The following OTOGL variants were observed in gnomAD, a reference collection of about 807,000 sequenced individuals.
OTOGL encodes otogelin like.
In OTOGL, 285 loss-of-function variants were observed where a neutral mutation model predicts 318.5. The ratio of observed to expected loss-of-function variants is 0.89; its 90% CI spans 0.81 to 0.99. The LOEUF (loss-of-function observed/expected upper bound fraction) is 0.99, where lower values mean the gene tolerates loss of function less well. Among genes scored for constraint, OTOGL ranks in the 50% least tolerant of loss-of-function variants. The pLI is 0.00. For missense variants in OTOGL, 2,899 were observed against 2,845.6 expected (o/e 1.02, Z -0.43); for synonymous variants, 987 against 936.5 (o/e 1.05, Z -0.99).
intron 1 of OTOGL, among the ~76,000 whole-genome samples, chr12:80,186,536 A>T (rs1875302483): frequency 6.6e-6 from 1 of 152,204 alleles, no homozygotes; most frequent in African/African-American, 2.4e-5. Context: ...ACTTGTTGAA[A>T]AACTTTGAGA....
chr12:80,239,459 G>C lies in OTOGL; in HGVS notation c.1052+20G>C, dbSNP rs1388327892. On this transcript the variant is annotated intron_variant, in intron 11 of 58. Coordinates refer to ENST00000547103, the MANE Select transcript of OTOGL (RefSeq NM_001378609.3). ...TTGCAAGTAAGTGAAATGACTTGTAGTTGTAATAAAATTTTCTTTATGCAA... is the reference window on the plus strand; with the variant it reads ...TTGCAAGTAAGTGAAATGACTTGTACTTGTAATAAAATTTTCTTTATGCAA... 1.3e-6 allele frequency: 2 copies of C among 1,491,106 alleles called. No individual in the cohort carries two copies. The highest frequency in any genetic ancestry group is 1.8e-6 in the Non-Finnish European group (2 of 1,101,606). The allele number at this position is 1,491,106 out of a possible 1,614,324, so 92.4% of individuals were successfully genotyped here.
In OTOGL at chr12:80,358,390, C is replaced by T. The variant is rs749584528; in HGVS notation, c.6121+41C>T. ...CTATTCTAAAATATTTAGATGTGTC[C>T]AATGTTTAAGAAGCCCAGTGCATCT... On this transcript the variant is annotated intron_variant, in intron 50 of 58. Transcript: ENST00000547103. 2.1e-5 allele frequency: 31 copies of T among 1,459,378 alleles called. No homozygotes were observed. The South Asian group carries it at 3.6e-4, about 17-fold the overall frequency. 90.4% of individuals were successfully genotyped at this position (1,459,378 alleles called of 1,614,324 possible). A position where few individuals can be genotyped will look rare whatever the true frequency, so the allele number is the denominator to read the frequency against.
rs373110567 is a variant in OTOGL, at chr12:80,256,333, G to A, written c.1588-4G>A. The A allele has an allele frequency of 8.8e-5, 140 of 1,591,212 alleles. No homozygotes were observed. Among genetic ancestry groups the A allele is most frequent in the Middle Eastern group, 8.3e-4 (5 of 6,024 alleles). On this transcript the variant is annotated splice_polypyrimidine_tract_variant and splice_region_variant and intron_variant, in intron 16 of 58. Coordinates refer to ENST00000547103, the MANE Select transcript of OTOGL (RefSeq NM_001378609.3). ...CTTGCATTGATAATTTGATTTTTACGCAGAATCTTGGCTTGGTCTGCCTTC... is the reference window on the plus strand; with the variant it reads ...CTTGCATTGATAATTTGATTTTTACACAGAATCTTGGCTTGGTCTGCCTTC...
In OTOGL at chr12:80,342,113, A is replaced by C. The variant is rs1313160453; in HGVS notation, c.5216A>C (p.Gln1739Pro). Reference sequence around the variant, plus strand: ...AATTGTACTGAGCATGATTGCAGCCAGTGCATTGATTTATTAAATAGAAGA... The same window carrying C: ...AATTGTACTGAGCATGATTGCAGCCCGTGCATTGATTTATTAAATAGAAGA... ...VRNCTEHDCS[Q>P]CIDLLNRRIF... Residue 1739 changes from glutamine (Q) to proline (P), a missense_variant, in exon 44 of 59, where the codon CAG (glutamine) becomes CCG (proline). Coordinates refer to ENST00000547103, the MANE Select transcript of OTOGL (RefSeq NM_001378609.3). 1 of 1,601,874 alleles carries C rather than the reference A, an allele frequency of 6.2e-7. No individual in the cohort carries two copies. Among genetic ancestry groups the C allele is most frequent in the Non-Finnish European group, 8.5e-7 (1 of 1,173,440 alleles).
At chr12:80,109,134 T>C (rs1869678623) in intron 1 of OTOGL, among the ~76,000 whole-genome samples, 1 of 151,692 alleles carries the variant, frequency 6.6e-6, no homozygotes, top group Non-Finnish European at 1.5e-5. Flanking sequence ...GCCCCAACTT[T>C]AGAATCATTA....
At chr12:80,227,330 A>G (rs1878952434) in intron 7 of OTOGL, among the ~76,000 whole-genome samples, 1 of 152,218 alleles carries the variant, frequency 6.6e-6, no homozygotes, top group Admixed American at 6.6e-5. Context: ...GATGGCATAT[A>G]TAATTTTTCT....
intron 1 of OTOGL, among the ~76,000 whole-genome samples, chr12:80,122,556 C>CAGAAG (rs1318008267): frequency 1.3e-5 from 2 of 152,082 alleles, no homozygotes; most frequent in African/African-American, 2.4e-5. Context: ...GATGTAAATT[C>CAGAAG]AGAAGATAAT....
chr12:80,166,194 C>CCTCT (rs3045762), intron 1 of OTOGL, among the ~76,000 whole-genome samples: 139 of 147,600 alleles, frequency 9.4e-4, no homozygotes, highest in East Asian at 2.8e-3. Flanking sequence ...CTCCCTTCTT[C>CCTCT]CTCTCTCTCT....
At position 80,380,611 on chromosome 12, in the gene OTOGL, G is replaced by A. The variant is rs1891398714; in HGVS notation, c.*2563G>A. The A allele has an allele frequency of 6.6e-6, 1 of 151,858 alleles. No homozygotes were observed. Among genetic ancestry groups the A allele is most frequent in the Non-Finnish European group, 1.5e-5 (1 of 67,890 alleles). The allele number at this position is 151,858 out of a possible 1,614,324, so 9.4% of individuals were successfully genotyped here. A position where few individuals can be genotyped will look rare whatever the true frequency, so the allele number is the denominator to read the frequency against. On this transcript the variant is annotated 3_prime_UTR_variant, in exon 59 of 59. Coordinates refer to ENST00000547103, the MANE Select transcript of OTOGL (RefSeq NM_001378609.3). ...CTACCAGACTGGTAAAAAACCAGAA[G>A]TTTAATGATACTTTTATTTTTTAAG... is the stretch of plus-strand genomic sequence containing the variant.
intron 44 of OTOGL, among the ~76,000 whole-genome samples, chr12:80,345,490 G>C (rs1346008432): frequency 6.6e-6 from 1 of 151,772 alleles, no homozygotes; most frequent in Non-Finnish European, 1.5e-5. Flanking sequence ...ACCTGCCTTG[G>C]CCTCCCAAAG....
At chr12:80,144,504 C>T (rs1436640948) in intron 1 of OTOGL, among the ~76,000 whole-genome samples, 34 of 148,482 alleles carry the variant, frequency 2.3e-4, no homozygotes, top group South Asian at 1.9e-3. Flanking sequence ...TGAATAGTGC[C>T]GCAATAAACA....
intron 1 of OTOGL, among the ~76,000 whole-genome samples, chr12:80,190,211 G>A (rs1296594193): frequency 6.6e-6 from 1 of 152,132 alleles, no homozygotes; most frequent in East Asian, 1.9e-4. Context: ...ATTTGTTTGG[G>A]AACAGGATGT....
At chr12:80,229,125 C>T in intron 7 of OTOGL, 132 bp from the exon 8 acceptor site, 1 of 1,069,480 alleles carries the variant, frequency 9.4e-7, no homozygotes, top group South Asian at 2.0e-5. Context: ...TCAGAAATCC[C>T]AAATGTAGTT....
At chr12:80,150,492 C>G (rs1357245248) in intron 1 of OTOGL, among the ~76,000 whole-genome samples, 2 of 152,194 alleles carry the variant, frequency 1.3e-5, no homozygotes, top group Non-Finnish European at 1.5e-5. Flanking sequence ...TATCTTTTAT[C>G]TAGGCAGTGA....
chr12:80,187,766 C>A (rs1160052467), intron 1 of OTOGL, among the ~76,000 whole-genome samples: 1 of 152,176 alleles, frequency 6.6e-6, no homozygotes, highest in East Asian at 1.9e-4. Context: ...GATGCCCACA[C>A]CTCTTGGAGG....
chr12:80,153,545 G>A (rs989282867), intron 1 of OTOGL, among the ~76,000 whole-genome samples: 21 of 152,172 alleles, frequency 1.4e-4, no homozygotes, highest in African/African-American at 4.8e-4. Context: ...AACCTACATT[G>A]ACACATCATA....
Position 80,378,603 on chromosome 12 carries a change from A to G in OTOGL, c.*555A>G, listed in dbSNP as rs1891308983. The G allele has an allele frequency of 6.5e-6, 1 of 152,686 alleles. No individual in the cohort carries two copies. Among genetic ancestry groups the G allele is most frequent in the African/African-American group, 2.4e-5 (1 of 41,464 alleles). The allele number at this position is 152,686 out of a possible 1,614,324, so 9.5% of individuals were successfully genotyped here. On this transcript the variant is annotated 3_prime_UTR_variant, in exon 59 of 59. Coordinates refer to ENST00000547103, the MANE Select transcript of OTOGL (RefSeq NM_001378609.3). ...TTTTGCAGGTGTAACAGATAACCAG[A>G]GAAGCTGTGTGACTCGTACAAATTT...
intron 1 of OTOGL, among the ~76,000 whole-genome samples, chr12:80,149,647 G>T (rs1219942803): frequency 2.0e-5 from 3 of 152,184 alleles, no homozygotes; most frequent in Non-Finnish European, 4.4e-5. Flanking sequence ...CTGGGCAATG[G>T]CGGGCGCCCC....
chr12:80,360,972 C>T lies in OTOGL; in HGVS notation c.6267+2072C>T, dbSNP rs560593778. 2.0e-5 allele frequency: 3 copies of T among 152,104 alleles called. No homozygotes were observed. In the East Asian group the frequency reaches 5.8e-4, roughly 29 times the overall value. The allele number at this position is 152,104 out of a possible 1,614,324, so 9.4% of individuals were successfully genotyped here. A position where few individuals can be genotyped will look rare whatever the true frequency, so the allele number is the denominator to read the frequency against. On this transcript the variant is annotated intron_variant, in intron 52 of 58. Transcript: ENST00000547103. ...TAACACATGCATTACCTCACGACAT[C>T]ATTTTTTTGTGATGAGAACACAGAA...
Sources: allele counts gnomAD v4.1 joint callset (sites outside exome capture counted in the v4.1 genomes callset), GRCh38; gene constraint gnomAD v4.1.1; transcripts MANE v1.5; gene names NCBI Gene and HGNC (gene_info 2026-07-23, HGNC 2026-07-21).